Variants in KCNB2 observed in about 807,000 individuals in gnomAD.
KCNB2 encodes delayed rectifier potassium channel protein.
Under a neutral mutation model 61.5 loss-of-function variants are expected in KCNB2, and 15 were observed. The observed-to-expected ratio is 0.24, with a 90% CI of 0.16 to 0.38. The LOEUF is 0.38. KCNB2 is among the 10% of genes least tolerant of loss of function. The pLI, the probability that KCNB2 is intolerant of heterozygous loss-of-function variation, is 1.00. For synonymous variants in KCNB2, 457 were observed against 446.0 expected (o/e 1.02, Z -0.31); for missense variants, 828 against 1,125.2 (o/e 0.74, Z 3.78).
At chr8:72,725,531 A>ATGTG (rs1484503816) in intron 2 of KCNB2, among the ~76,000 whole-genome samples, 112 of 18,272 alleles carry the variant, frequency 6.1e-3, no homozygotes, top group African/African-American at 0.023. Context: ...ATATATATAT[A>ATGTG]TATATATATG....
At chr8:72,727,263 A>G (rs1166691066) in intron 2 of KCNB2, among the ~76,000 whole-genome samples, 1 of 152,134 alleles carries the variant, frequency 6.6e-6, no homozygotes, top group African/African-American at 2.4e-5. Context: ...TCATTTGCCT[A>G]ATTTCCACAC....
intron 2 of KCNB2, among the ~76,000 whole-genome samples, chr8:72,744,167 T>TA (rs1323438283): frequency 6.6e-6 from 1 of 152,136 alleles, no homozygotes; most frequent in Non-Finnish European, 1.5e-5. Context: ...AAGCCGGGAA[T>TA]AAGAGAAGAC....
At chr8:72,718,045 C>CA (rs1261187112) in intron 2 of KCNB2, among the ~76,000 whole-genome samples, 5 of 151,798 alleles carry the variant, frequency 3.3e-5, no homozygotes, top group South Asian at 2.1e-4. Context: ...TTTATGCAGC[C>CA]AAAAAACACA....
intron 2 of KCNB2, among the ~76,000 whole-genome samples, chr8:72,838,435 C>T (rs1204886556): frequency 1.3e-5 from 2 of 152,192 alleles, no homozygotes; most frequent in Non-Finnish European, 2.9e-5. Flanking sequence ...CTGCAAAGGA[C>T]ATGAACTCAT....
chr8:72,785,912 A>G lies in KCNB2; in HGVS notation c.580-150023A>G, dbSNP rs78202539. ...AATGATATATTTCCCCATAACCAGC[A>G]TACTGAAAAGGCCAATTCCATTTTT... On this transcript the variant is annotated intron_variant, in intron 2 of 2. Coordinates refer to ENST00000523207, the MANE Select transcript of KCNB2 (RefSeq NM_004770.3). Among the ~76,000 whole-genome samples, 32 of 152,228 alleles carry G rather than the reference A, an allele frequency of 2.1e-4. No individual in the cohort carries two copies. In the East Asian group the frequency reaches 6.0e-3, roughly 28 times the overall value.
chr8:72,599,821 A>G (rs1807263508), intron 2 of KCNB2, among the ~76,000 whole-genome samples: 1 of 152,234 alleles, frequency 6.6e-6, no homozygotes, highest in Non-Finnish European at 1.5e-5. Context: ...GAAGACATTT[A>G]TGTAGCCAAA....
At chr8:72,689,107 G>A (rs1243379515) in intron 2 of KCNB2, among the ~76,000 whole-genome samples, 1 of 152,100 alleles carries the variant, frequency 6.6e-6, no homozygotes, top group Non-Finnish European at 1.5e-5. Context: ...AAATGGTATA[G>A]ATGGAAGTAG....
intron 2 of KCNB2, among the ~76,000 whole-genome samples, chr8:72,832,265 A>G (rs545594633): frequency 6.6e-6 from 1 of 152,330 alleles, no homozygotes; most frequent in Non-Finnish European, 1.5e-5. Flanking sequence ...TATTTTGCAG[A>G]AAATGAGTTA....
intron 2 of KCNB2, among the ~76,000 whole-genome samples, chr8:72,713,833 A>C (rs537762086): frequency 1.3e-5 from 2 of 152,340 alleles, no homozygotes; most frequent in Non-Finnish European, 2.9e-5. Flanking sequence ...AACTTGAGAG[A>C]AGAAGGCTTC....
At chr8:72,552,044 C>T (rs75670784) in intron 1 of KCNB2, among the ~76,000 whole-genome samples, 36 of 152,188 alleles carry the variant, frequency 2.4e-4, no homozygotes, top group African/African-American at 4.8e-4. Flanking sequence ...AAACCATGAC[C>T]GTGCACTATT....
intron 2 of KCNB2, among the ~76,000 whole-genome samples, chr8:72,872,996 G>T (rs142132629): frequency 4.3e-4 from 65 of 152,274 alleles, no homozygotes; most frequent in African/African-American, 1.5e-3. Context: ...GAACTCAGTA[G>T]ATGTTTATTG....
rs141965461 is a variant in KCNB2 at position 72,936,693 on chromosome 8, C to T, written c.1338C>T (p.Asn446=). The change falls in exon 3 of 3, where the codon AAC becomes AAT. Residue 446 remains asparagine (N), a synonymous_variant. Transcript: ENST00000523207. The surrounding 1 kb of genome is among the most constrained non-coding windows in gnomAD (Gnocchi z 5.6). The stretch of plus-strand genomic sequence containing the variant: ...AGGCTCTTGAGCGGGCCAAAAGGAA[C>T]GGAAGCATCGTTTCTATGAACTTAA... ...RREALERAKR[N]GSIVSMNLKD... 14 of 1,614,118 alleles carry T rather than the reference C, an allele frequency of 8.7e-6. No homozygotes were observed. The highest frequency in any genetic ancestry group is 5.0e-5 in the Admixed American group (3 of 60,020).
chr8:72,781,948 C>T (rs1290530002), intron 2 of KCNB2, among the ~76,000 whole-genome samples: 1 of 151,786 alleles, frequency 6.6e-6, no homozygotes, highest in Non-Finnish European at 1.5e-5. Context: ...ACAACATACC[C>T]TGGAATCTGT....
chr8:72,567,956 G>C lies in KCNB2; in HGVS notation c.222G>C (p.Leu74=). ...ACTGCAACACACACGAGAGCCTCCT[G>C]GAAGTGTGCGACGACTATAATCTGA... The part of the protein sequence containing the change: ...LRDCNTHESL[L]EVCDDYNLNE... Residue 74 remains leucine (L), a synonymous_variant, in exon 2 of 3, where the codon CTG becomes CTC. Transcript: ENST00000523207. The C allele has an allele frequency of 6.2e-7, 1 of 1,614,000 alleles. No individual in the cohort carries two copies.
intron 1 of KCNB2, among the ~76,000 whole-genome samples, chr8:72,561,572 G>A (rs1806512889): frequency 6.7e-6 from 1 of 149,686 alleles, no homozygotes; most frequent in Non-Finnish European, 1.5e-5. Flanking sequence ...AACTTTATGT[G>A]TTAAAAAATA....
At chr8:72,836,854 G>A (rs925983543) in intron 2 of KCNB2, among the ~76,000 whole-genome samples, 1 of 152,178 alleles carries the variant, frequency 6.6e-6, no homozygotes, top group African/African-American at 2.4e-5. Context: ...AAACTGCAAT[G>A]AGCCATGTTT....
chr8:72,794,970 A>G (rs1740687876), intron 2 of KCNB2, among the ~76,000 whole-genome samples: 1 of 152,374 alleles, frequency 6.6e-6, no homozygotes, highest in Middle Eastern at 3.4e-3. Context: ...TTTAGGGTTT[A>G]GGAAATATGG....
At chr8:72,742,789 C>A (rs1807984982) in intron 2 of KCNB2, among the ~76,000 whole-genome samples, 2 of 152,194 alleles carry the variant, frequency 1.3e-5, no homozygotes, top group South Asian at 4.1e-4. Context: ...TGGGCCAGAG[C>A]CAATGCACGG....
At chr8:72,811,259 T>TATGG (rs1809302342) in intron 2 of KCNB2, among the ~76,000 whole-genome samples, 1 of 149,260 alleles carries the variant, frequency 6.7e-6, no homozygotes. Context: ...CTACAACATA[T>TATGG]ATGGTTTCAT....
Sources: gnomAD v4.1 joint callset for allele counts (sites outside exome capture counted in the v4.1 genomes callset) on GRCh38, gnomAD v4.1.1 for gene constraint, Gnocchi (gnomAD v3.1) non-coding constraint, MANE v1.5 for transcripts, NCBI Gene and HGNC (gene_info 2026-07-23, HGNC 2026-07-21) for gene names.